Variants in HS3ST4 observed in about 807,000 individuals in gnomAD.
HS3ST4 encodes heparan sulfate-glucosamine 3-sulfotransferase 4.
A neutral mutation model predicts 29.2 loss-of-function variants in HS3ST4; 17 were observed. The ratio of observed to expected loss-of-function variants is 0.58; its 90% CI spans 0.40 to 0.87. The LOEUF is 0.87. Ranked by LOEUF, HS3ST4 falls within the 40% of genes least tolerant of loss-of-function variation. The pLI is 0.00. For missense variants in HS3ST4, 627 were observed against 634.5 expected (o/e 0.99, Z 0.13); for synonymous variants, 314 against 285.7 (o/e 1.10, Z -1.00).
chr16:26,067,379 C>A (rs532561077), intron 1 of HS3ST4, among the ~76,000 whole-genome samples: 27 of 152,050 alleles, frequency 1.8e-4, no homozygotes, highest in Non-Finnish European at 2.8e-4. Flanking sequence ...CCCTTCTCTG[C>A]TAGGTCATGT....
intron 1 of HS3ST4, among the ~76,000 whole-genome samples, chr16:25,838,955 A>C (rs1235301459): frequency 2.6e-5 from 4 of 152,152 alleles, no homozygotes; most frequent in African/African-American, 9.7e-5. Context: ...CGGTCTTGGC[A>C]CTGTGGAATT....
chr16:25,830,715 A>C (rs1259567644), intron 1 of HS3ST4, among the ~76,000 whole-genome samples: 1 of 149,566 alleles, frequency 6.7e-6, no homozygotes, highest in African/African-American at 2.5e-5. Flanking sequence ...CCTTCAATCC[A>C]TGTCTTTTTT....
At chr16:26,076,277 C>T (rs1045782816) in intron 1 of HS3ST4, among the ~76,000 whole-genome samples, 7 of 152,112 alleles carry the variant, frequency 4.6e-5, no homozygotes, top group African/African-American at 1.7e-4. Flanking sequence ...AGTAGGAGCA[C>T]GGTGTTTAGG....
At chr16:26,006,579 G>T (rs959874867) in intron 1 of HS3ST4, among the ~76,000 whole-genome samples, 1 of 152,098 alleles carries the variant, frequency 6.6e-6, no homozygotes, top group Admixed American at 6.5e-5. Flanking sequence ...GGATAGTTTG[G>T]CAGGCAAGGG....
chr16:25,891,353 C>A lies in HS3ST4; in HGVS notation c.734+198202C>A, dbSNP rs142784836. On this transcript the variant is annotated intron_variant, in intron 1 of 1. Coordinates refer to ENST00000331351, the MANE Select transcript of HS3ST4 (RefSeq NM_006040.3). Reference sequence around the variant, plus strand: ...AGGCTTACATATTCTGTGGGTCAGGCATTTAGGAGGGCGTCTCTGCTTCCT... The same window carrying A: ...AGGCTTACATATTCTGTGGGTCAGGAATTTAGGAGGGCGTCTCTGCTTCCT... Among the ~76,000 whole-genome samples the A allele has an allele frequency of 9.9e-5, 15 of 152,212 alleles. No individual in the cohort carries two copies. The East Asian group carries it at 2.9e-3, about 29-fold the overall frequency.
chr16:25,841,222 G>A (rs1967409849), intron 1 of HS3ST4, among the ~76,000 whole-genome samples: 1 of 151,946 alleles, frequency 6.6e-6, no homozygotes, highest in African/African-American at 2.4e-5. Flanking sequence ...AGCCAGGATG[G>A]TCTCGATCTC....
intron 1 of HS3ST4, among the ~76,000 whole-genome samples, chr16:25,708,767 C>A (rs555650185): frequency 6.6e-6 from 1 of 152,280 alleles, no homozygotes; most frequent in South Asian, 2.1e-4. Flanking sequence ...GTATCTGTGT[C>A]AAAAGTTCCT....
At chr16:25,996,658 T>C (rs1038995699) in intron 1 of HS3ST4, among the ~76,000 whole-genome samples, 12 of 152,198 alleles carry the variant, frequency 7.9e-5, no homozygotes, top group African/African-American at 2.2e-4. Context: ...CACTGTTTTA[T>C]GGTAATTTCA....
intron 1 of HS3ST4, among the ~76,000 whole-genome samples, chr16:25,871,488 A>G (rs187363925): frequency 6.6e-6 from 1 of 152,310 alleles, no homozygotes; most frequent in East Asian, 1.9e-4. Flanking sequence ...GTTGGATGAC[A>G]GGAGCAAGGA....
At chr16:25,859,147 G>T (rs1967612654) in intron 1 of HS3ST4, among the ~76,000 whole-genome samples, 3 of 152,088 alleles carry the variant, frequency 2.0e-5, no homozygotes, top group Admixed American at 2.0e-4. Context: ...AATCACATAT[G>T]AATTCAGTCC....
intron 1 of HS3ST4, among the ~76,000 whole-genome samples, chr16:25,738,457 G>T (rs1966627343): frequency 6.6e-6 from 1 of 152,196 alleles, no homozygotes; most frequent in Admixed American, 6.5e-5. Flanking sequence ...CGAACAGGGA[G>T]TTATTGCCTG....
chr16:25,802,925 ATATGTGTGTGTG>A (rs1242672453), intron 1 of HS3ST4, among the ~76,000 whole-genome samples: 1,879 of 131,434 alleles, frequency 0.014, 46 homozygotes, highest in African/African-American at 0.048. Flanking sequence ...TTTAAGTTAT[ATATGTGTGTGTG>A]TGTGTGTGTG....
intron 1 of HS3ST4, among the ~76,000 whole-genome samples, chr16:25,900,689 G>T (rs1232385535): frequency 6.6e-6 from 1 of 152,094 alleles, no homozygotes; most frequent in East Asian, 1.9e-4. Flanking sequence ...GAGCTGTTGA[G>T]GCTGCAGGGC....
chr16:26,096,539 C>A (rs148465110), intron 1 of HS3ST4, among the ~76,000 whole-genome samples: 4 of 152,266 alleles, frequency 2.6e-5, no homozygotes, highest in Non-Finnish European at 4.4e-5. Flanking sequence ...CAACACAATT[C>A]CACAGCACCT....
intron 1 of HS3ST4, among the ~76,000 whole-genome samples, chr16:25,865,716 A>G (rs1475456050): frequency 6.6e-6 from 1 of 152,216 alleles, no homozygotes; most frequent in Non-Finnish European, 1.5e-5. Flanking sequence ...AGACCATGCA[A>G]TAGGGAAAGG....
chr16:26,127,553 T>A (rs1196941637), intron 1 of HS3ST4, among the ~76,000 whole-genome samples: 1 of 152,226 alleles, frequency 6.6e-6, no homozygotes, highest in Non-Finnish European at 1.5e-5. Context: ...TGTCTCCTTC[T>A]CCTGCCTCTA....
chr16:25,713,499 G>T (rs1966430780), intron 1 of HS3ST4, among the ~76,000 whole-genome samples: 1 of 151,790 alleles, frequency 6.6e-6, no homozygotes, highest in Non-Finnish European at 1.5e-5. Context: ...CTGCACTCCA[G>T]CCTGGGTGAC....
At chr16:25,944,671 T>TG in intron 1 of HS3ST4, among the ~76,000 whole-genome samples, 1 of 152,286 alleles carries the variant, frequency 6.6e-6, no homozygotes, top group Non-Finnish European at 1.5e-5. Flanking sequence ...GGTGTGGGTG[T>TG]GGTCCCATGG....
At chr16:25,919,842 AAT>A (rs917153292) in intron 1 of HS3ST4, among the ~76,000 whole-genome samples, 10 of 152,030 alleles carry the variant, frequency 6.6e-5, no homozygotes, top group African/African-American at 2.4e-4. Flanking sequence ...ATAAGGAAAG[AAT>A]TCATATTTGA....
Sources: allele counts gnomAD v4.1 joint callset (sites outside exome capture counted in the v4.1 genomes callset), GRCh38; gene constraint gnomAD v4.1.1; transcripts MANE v1.5; gene names NCBI Gene and HGNC (gene_info 2026-07-23, HGNC 2026-07-21).